Variants in UVRAG observed in about 807,000 individuals in gnomAD.
UVRAG encodes the protein UV radiation resistance-associated gene protein.
In UVRAG, 19 loss-of-function variants were observed where a neutral mutation model predicts 78.0. That is an observed-to-expected ratio of 0.24 (90% CI 0.17 to 0.36). UVRAG has a LOEUF of 0.36. Ranked by LOEUF, UVRAG falls within the 10% of genes least tolerant of loss-of-function variation. UVRAG has a pLI of 1.00. For missense variants in UVRAG, 740 were observed against 853.8 expected (o/e 0.87, Z 1.66); for synonymous variants, 323 against 324.6 (o/e 1.00, Z 0.05).
chr11:76,029,040 C>G (rs1478775176), intron 12 of UVRAG, among the ~76,000 whole-genome samples: 1 of 152,122 alleles, frequency 6.6e-6, no homozygotes, highest in Non-Finnish European at 1.5e-5. Flanking sequence ...AATACAGCTG[C>G]TAACTTTAAG....
intron 1 of UVRAG, among the ~76,000 whole-genome samples, chr11:75,849,322 A>G (rs767121279): frequency 1.1e-4 from 16 of 151,958 alleles, no homozygotes; most frequent in Non-Finnish European, 2.2e-4. Context: ...TGGCTAACAC[A>G]GTGAAACCCC....
chr11:76,061,372 T>A (rs182815643), intron 12 of UVRAG, among the ~76,000 whole-genome samples: 1 of 152,228 alleles, frequency 6.6e-6, no homozygotes, highest in East Asian at 1.9e-4. Flanking sequence ...TGGGGCCAGA[T>A]AAGAGAATAA....
At chr11:76,071,100 G>A (rs1046261133) in intron 13 of UVRAG, among the ~76,000 whole-genome samples, 16 of 152,122 alleles carry the variant, frequency 1.1e-4, no homozygotes, top group African/African-American at 3.9e-4. Flanking sequence ...ATAACCTGAT[G>A]GGAAGAGACA....
chr11:75,842,389 G>GTTCA (rs1279900833), intron 1 of UVRAG, among the ~76,000 whole-genome samples: 2 of 151,314 alleles, frequency 1.3e-5, no homozygotes, highest in Non-Finnish European at 2.9e-5. Flanking sequence ...CTTTTCACAT[G>GTTCA]TTCATTGACT....
chr11:76,003,371 A>C (rs1949860206), intron 8 of UVRAG, among the ~76,000 whole-genome samples: 1 of 141,618 alleles, frequency 7.1e-6, no homozygotes, highest in Non-Finnish European at 1.5e-5. Flanking sequence ...TCCCAGGTTC[A>C]AGCGATTTCC....
intron 1 of UVRAG, among the ~76,000 whole-genome samples, chr11:75,819,784 C>A (rs187453805): frequency 0.029 from 4,467 of 151,922 alleles, 222 homozygotes; most frequent in African/African-American, 0.1. Context: ...GCCTGGCCAA[C>A]ATGGTGAAAC....
intron 3 of UVRAG, among the ~76,000 whole-genome samples, chr11:75,868,179 A>T (rs1428868590): frequency 6.6e-6 from 1 of 152,214 alleles, no homozygotes; most frequent in African/African-American, 2.4e-5. Flanking sequence ...GGGAGATGTC[A>T]CTTGAGCAGA....
chr11:76,054,744 A>G (rs1274105446), intron 12 of UVRAG, among the ~76,000 whole-genome samples: 1 of 151,922 alleles, frequency 6.6e-6, no homozygotes, highest in Non-Finnish European at 1.5e-5. Context: ...ACCTCCTCTT[A>G]TTTGTCATGT....
chr11:76,069,607 A>T (rs897308585), intron 13 of UVRAG, among the ~76,000 whole-genome samples: 2 of 152,238 alleles, frequency 1.3e-5, no homozygotes, highest in African/African-American at 2.4e-5. Flanking sequence ...CAAAAATTAT[A>T]ATACTTTTAT....
intron 1 of UVRAG, among the ~76,000 whole-genome samples, chr11:75,829,102 A>G (rs1306840268): frequency 2.0e-5 from 3 of 152,016 alleles, no homozygotes; most frequent in Non-Finnish European, 4.4e-5. Context: ...GTCTCATTAT[A>G]TTGCCCAACG....
At chr11:76,064,125 T>C (rs1951143751) in intron 12 of UVRAG, among the ~76,000 whole-genome samples, 1 of 152,234 alleles carries the variant, frequency 6.6e-6, no homozygotes, top group Non-Finnish European at 1.5e-5. Context: ...TTTTTAGGAA[T>C]GTTGAAGCTT....
At chr11:75,853,496 G>T (rs1197622599) in intron 2 of UVRAG, among the ~76,000 whole-genome samples, 4 of 152,082 alleles carry the variant, frequency 2.6e-5, no homozygotes, top group Non-Finnish European at 5.9e-5. Context: ...AATTAGCTGG[G>T]ATTACGGGCA....
chr11:76,114,005 G>A (rs2134464234), intron 13 of UVRAG, among the ~76,000 whole-genome samples: 1 of 152,154 alleles, frequency 6.6e-6, no homozygotes, highest in African/African-American at 2.4e-5. Context: ...CTTCCGTTGT[G>A]GAACCTGGGG....
At chr11:75,870,886 TG>T (rs892163304) in intron 3 of UVRAG, among the ~76,000 whole-genome samples, 3 of 152,166 alleles carry the variant, frequency 2.0e-5, no homozygotes, top group Non-Finnish European at 2.9e-5. Context: ...TTTTTTTTTT[TG>T]ATACGGAGTT....
chr11:75,921,072 G>T (rs1947970630), intron 6 of UVRAG, among the ~76,000 whole-genome samples: 1 of 152,154 alleles, frequency 6.6e-6, no homozygotes, highest in Non-Finnish European at 1.5e-5. Context: ...TTTTTATGAT[G>T]ATTTTGTTTC....
chr11:76,044,440 C>A (rs1223445231), intron 12 of UVRAG, among the ~76,000 whole-genome samples: 1 of 152,156 alleles, frequency 6.6e-6, no homozygotes, highest in Non-Finnish European at 1.5e-5. Context: ...TATCTTTTCT[C>A]ACCAAAATGC....
intron 13 of UVRAG, among the ~76,000 whole-genome samples, chr11:76,077,662 C>A (rs1951427514): frequency 6.6e-6 from 1 of 152,124 alleles, no homozygotes; most frequent in South Asian, 2.1e-4. Context: ...ATAAACTGAG[C>A]CTCTGAAGGG....
At chr11:76,068,393 G>T (rs1478505000) in intron 13 of UVRAG, among the ~76,000 whole-genome samples, 1 of 152,144 alleles carries the variant, frequency 6.6e-6, no homozygotes, top group East Asian at 1.9e-4. Flanking sequence ...TAGTAATTGT[G>T]TATCCTCTCC....
intron 14 of UVRAG, among the ~76,000 whole-genome samples, chr11:76,129,747 C>T (rs1311529585): frequency 6.6e-6 from 1 of 152,134 alleles, no homozygotes. Flanking sequence ...CCATTCTGAT[C>T]CATGCCTCCA....
Sources: gnomAD v4.1 joint callset for allele counts (sites outside exome capture counted in the v4.1 genomes callset) on GRCh38, gnomAD v4.1.1 for gene constraint, MANE v1.5 for transcripts, NCBI Gene and HGNC (gene_info 2026-07-23, HGNC 2026-07-21) for gene names.